Variants in TJP1 observed in about 807,000 individuals in gnomAD.
The protein encoded by TJP1 is tight junction protein 1.
A neutral mutation model predicts 194.2 loss-of-function variants in TJP1; 43 were observed. That is an observed-to-expected ratio of 0.22 (90% confidence interval 0.17 to 0.29). TJP1 has a LOEUF of 0.29. Ranked by LOEUF, TJP1 falls within the 10% of genes least tolerant of loss-of-function variation. The pLI is 1.00. For missense variants in TJP1, 1,971 were observed against 2,185.7 expected, an observed-to-expected ratio of 0.90 and a Z score of 1.96; for synonymous variants, 801 against 779.0, an observed-to-expected ratio of 1.03 and a Z score of -0.47.
At chr15:29,735,437 A>G (rs2043961007) in intron 11 of TJP1, among the ~76,000 whole-genome samples, 1 of 151,926 alleles carries the variant, frequency 6.6e-6, no homozygotes, top group South Asian at 2.1e-4. Context: ...AAAAATACAA[A>G]AATTTGCCAC....
chr15:29,719,624 C>T (rs574225852), intron 20 of TJP1, among the ~76,000 whole-genome samples, 153 bp downstream of exon 20: 6 of 152,236 alleles, frequency 3.9e-5, no homozygotes, highest in African/African-American at 9.6e-5. Flanking sequence ...ATGCAAACTA[C>T]GAAACTGAAA....
intron 5 of TJP1, among the ~76,000 whole-genome samples, chr15:29,764,969 G>A (rs2046241228): frequency 6.6e-6 from 1 of 152,052 alleles, no homozygotes. Flanking sequence ...GTTACCTTAA[G>A]TGGAAAAAAA....
At chr15:29,892,154 G>T (rs1277356689) in intron 2 of TJP1, among the ~76,000 whole-genome samples, 1 of 152,180 alleles carries the variant, frequency 6.6e-6, no homozygotes, top group Non-Finnish European at 1.5e-5. Context: ...AAGTTTTAGT[G>T]GTCTGGATAG....
intron 2 of TJP1, among the ~76,000 whole-genome samples, chr15:29,847,332 T>C (rs1282392742): frequency 6.6e-6 from 1 of 152,080 alleles, no homozygotes; most frequent in Non-Finnish European, 1.5e-5. Context: ...AGCCTTTTGA[T>C]TTTTTGCTTT....
intron 2 of TJP1, among the ~76,000 whole-genome samples, chr15:29,836,501 GACCTCGTGA>G (rs2051036401): frequency 6.6e-6 from 1 of 152,010 alleles, no homozygotes; most frequent in Non-Finnish European, 1.5e-5. Flanking sequence ...TCCATCTCCT[GACCTCGTGA>G]ACCACCTGCC....
intron 10 of TJP1, among the ~76,000 whole-genome samples, chr15:29,739,164 T>C (rs1251167506): frequency 1.3e-5 from 2 of 152,202 alleles, no homozygotes; most frequent in Non-Finnish European, 2.9e-5. Flanking sequence ...ATCCACCCTT[T>C]AGTAAAACAT....
chr15:29,715,365 T>C (rs1566876297), intron 23 of TJP1, among the ~76,000 whole-genome samples: 1 of 152,186 alleles, frequency 6.6e-6, no homozygotes, highest in African/African-American at 2.4e-5. Flanking sequence ...CATAAACTGC[T>C]TTCTTCTGTA....
chr15:29,854,313 G>A (rs1356021369), intron 2 of TJP1, among the ~76,000 whole-genome samples: 1 of 152,146 alleles, frequency 6.6e-6, no homozygotes, highest in African/African-American at 2.4e-5. Context: ...CAGAACCTAG[G>A]AAGGTGACCT....
chr15:29,814,627 CATT>C (rs1305798592), intron 1 of TJP1, among the ~76,000 whole-genome samples: 1 of 152,012 alleles, frequency 6.6e-6, no homozygotes, highest in Non-Finnish European at 1.5e-5. Flanking sequence ...TGGGAATTTA[CATT>C]TTTTTAAAAA....
intron 1 of TJP1, among the ~76,000 whole-genome samples, chr15:29,961,712 C>G (rs996506728): frequency 6.6e-6 from 1 of 152,178 alleles, no homozygotes; most frequent in African/African-American, 2.4e-5. Flanking sequence ...CCCACTTGAT[C>G]TGCCCATTTC....
chr15:29,875,357 A>C (rs910399563), intron 2 of TJP1, among the ~76,000 whole-genome samples: 3 of 152,132 alleles, frequency 2.0e-5, no homozygotes, highest in Non-Finnish European at 2.9e-5. Flanking sequence ...ATTTCATTTT[A>C]CTTAAGTACT....
At chr15:29,835,822 T>A (rs966779096) in intron 2 of TJP1, among the ~76,000 whole-genome samples, 20 of 152,292 alleles carry the variant, frequency 1.3e-4, no homozygotes, top group African/African-American at 4.6e-4. Flanking sequence ...TTAGCATACT[T>A]TTCGGTCACA....
intron 2 of TJP1, among the ~76,000 whole-genome samples, chr15:29,783,514 A>T (rs2151748356): frequency 6.6e-6 from 1 of 152,348 alleles, no homozygotes; most frequent in East Asian, 1.9e-4. Context: ...TCATAAAGAC[A>T]CATGCACGTA....
chr15:29,742,606 A>C, intron 9 of TJP1, 36 bp downstream of exon 9: 3 of 1,513,296 alleles, frequency 2.0e-6, no homozygotes, highest in Non-Finnish European at 2.6e-6. Flanking sequence ...CTCTACTTGC[A>C]AATGTTTCTT....
chr15:29,763,184 A>G (rs1289558723), intron 5 of TJP1, among the ~76,000 whole-genome samples: 1 of 152,174 alleles, frequency 6.6e-6, no homozygotes, highest in Non-Finnish European at 1.5e-5. Flanking sequence ...AGTATCCAAG[A>G]GTGAGAACAT....
chr15:29,945,706 G>A (rs1028339125), intron 2 of TJP1, among the ~76,000 whole-genome samples: 10 of 152,092 alleles, frequency 6.6e-5, no homozygotes, highest in Non-Finnish European at 1.2e-4. Context: ...CACAGAAAGG[G>A]AGGAAAGCTA....
At chr15:29,921,389 C>T (rs2054353110) in intron 2 of TJP1, among the ~76,000 whole-genome samples, 1 of 152,206 alleles carries the variant, frequency 6.6e-6, no homozygotes, top group Non-Finnish European at 1.5e-5. Flanking sequence ...ACTTCTGGTG[C>T]TTCTGTATCC....
chr15:29,819,863 T>C (rs750875058), intron 1 of TJP1, among the ~76,000 whole-genome samples: 1 of 152,242 alleles, frequency 6.6e-6, no homozygotes, highest in Non-Finnish European at 1.5e-5. Context: ...CATTTAGTAG[T>C]ATATATCAGA....
At chr15:29,891,007 C>T (rs949058047) in intron 2 of TJP1, among the ~76,000 whole-genome samples, 4 of 152,202 alleles carry the variant, frequency 2.6e-5, no homozygotes, top group Non-Finnish European at 5.9e-5. Flanking sequence ...CTGCCAGGTA[C>T]CTTGGTGCAG....
Sources: gnomAD v4.1 joint callset for allele counts (sites outside exome capture counted in the v4.1 genomes callset) on GRCh38, gnomAD v4.1.1 for gene constraint, MANE v1.5 for transcripts, NCBI Gene and HGNC (gene_info 2026-07-23, HGNC 2026-07-21) for gene names.